The following AACS variants were observed in gnomAD, a reference collection of about 807,000 sequenced individuals.
The protein encoded by AACS is acetoacetyl-CoA synthetase, also known as acetoacetate-CoA ligase.
AACS carries 69 observed loss-of-function variants against 83.1 expected under a neutral mutation model. The observed-to-expected ratio is 0.83, with a 90% CI of 0.68 to 1.01. The LOEUF (loss-of-function observed/expected upper bound fraction) is 1.01. AACS is among the 50% of genes least tolerant of loss of function. The pLI, the probability that AACS is intolerant of heterozygous loss-of-function variation, is 0.00. For missense variants in AACS, 866 were observed against 882.2 expected (o/e 0.98, Z 0.23); for synonymous variants, 333 against 343.4 (o/e 0.97, Z 0.33).
chr12:125,074,932 G>A lies in AACS; in HGVS notation c.237+953G>A, dbSNP rs1033856408. Among the ~76,000 whole-genome samples the A allele has an allele frequency of 4.6e-5, 7 of 151,464 alleles. No individual in the cohort carries two copies. The East Asian group carries it at 1.2e-3, about 25-fold the overall frequency. ...ACCCGCCTCAGCCTCTCAAAGTGCT[G>A]GGATTACAGGCATTAGCCACCATGC... On this transcript the variant is annotated intron_variant, in intron 2 of 17. Coordinates refer to ENST00000316519, the MANE Select transcript of AACS (RefSeq NM_023928.5).
chr12:125,101,576 T>C (rs965756160), intron 5 of AACS: 3 of 152,208 alleles, frequency 2.0e-5, no homozygotes, highest in African/African-American at 7.2e-5. Context: ...TCTTCTTTTG[T>C]ATACACTAGC....
At chr12:125,074,056 C>T in intron 2 of AACS, 77 bp downstream of exon 2, 1 of 1,216,234 alleles carries the variant, frequency 8.2e-7, no homozygotes, top group Non-Finnish European at 1.2e-6. Flanking sequence ...TTGGGGAATA[C>T]TGAATTGTAT....
intron 1 of AACS, among the ~76,000 whole-genome samples, chr12:125,073,543 A>G (rs1340801149): frequency 1.3e-5 from 2 of 152,168 alleles, no homozygotes; most frequent in Non-Finnish European, 2.9e-5. Flanking sequence ...CCCATTTTGC[A>G]CTTGCCTGAG....
intron 7 of AACS, among the ~76,000 whole-genome samples, chr12:125,103,510 T>C (rs1003379730): frequency 1.3e-5 from 2 of 152,044 alleles, no homozygotes; most frequent in Non-Finnish European, 2.9e-5. Context: ...CGTGCATACG[T>C]GCACAGGTGC....
At chr12:125,112,119 A>T (rs890669960) in intron 8 of AACS, among the ~76,000 whole-genome samples, 4 of 152,198 alleles carry the variant, frequency 2.6e-5, no homozygotes, top group African/African-American at 9.7e-5. Context: ...GGATTCGTGG[A>T]AAGATTTAGT....
chr12:125,069,058 G>C (rs1279840645), intron 1 of AACS, among the ~76,000 whole-genome samples: 2 of 152,064 alleles, frequency 1.3e-5, no homozygotes, highest in Non-Finnish European at 2.9e-5. Flanking sequence ...GGCCAGGCTG[G>C]TCTCGAACTC....
chr12:125,077,886 T>C (rs1201864779), intron 3 of AACS, among the ~76,000 whole-genome samples: 1 of 152,064 alleles, frequency 6.6e-6, no homozygotes, highest in African/African-American at 2.4e-5. Context: ...TTTTTGTAGT[T>C]TTAGTAGAGA....
chr12:125,114,514 A>C lies in AACS; in HGVS notation c.953A>C (p.His318Pro). Reference sequence around the variant, plus strand: ...CAGCATCTGAAGGAGCACCTGCTGCACGGCAACATGACCAGCAGTGACATC... The same window carrying C: ...CAGCATCTGAAGGAGCACCTGCTGCCCGGCAACATGACCAGCAGTGACATC... Reference protein sequence around the residue: ...LIQHLKEHLLHGNMTSSDILL... With the variant: ...LIQHLKEHLLPGNMTSSDILL... Residue 318 changes from histidine (H) to proline (P), a missense_variant, in exon 9 of 18, where the codon CAC becomes CCC. Transcript: ENST00000316519. The C allele has an allele frequency of 1.9e-6, 3 of 1,613,504 alleles. No homozygotes were observed. The highest frequency in any genetic ancestry group is 1.7e-4 in the Middle Eastern group (1 of 6,060).
chr12:125,084,893 AT>A (rs1290105678), intron 3 of AACS, among the ~76,000 whole-genome samples: 1 of 151,914 alleles, frequency 6.6e-6, no homozygotes, highest in African/African-American at 2.4e-5. Context: ...TAGTTTTAAC[AT>A]TTTTTGTAGA....
chr12:125,070,414 G>C (rs1004263178), intron 1 of AACS, among the ~76,000 whole-genome samples: 6 of 152,188 alleles, frequency 3.9e-5, no homozygotes, highest in Admixed American at 3.9e-4. Flanking sequence ...CAAGAGGATT[G>C]CTTGAGTCCA....
intron 17 of AACS, chr12:125,141,403 T>C (rs1356262083): frequency 6.6e-6 from 1 of 152,384 alleles, no homozygotes; most frequent in Non-Finnish European, 1.5e-5. Context: ...ATGAACATGC[T>C]CGGCTGGGCG....
intron 3 of AACS, among the ~76,000 whole-genome samples, chr12:125,083,826 A>C (rs1229273305): frequency 2.0e-5 from 3 of 151,258 alleles, no homozygotes; most frequent in Non-Finnish European, 4.4e-5. Flanking sequence ...GCTAAGTTTT[A>C]TATTTTTAGT....
At chr12:125,085,451 C>A (rs1219875812) in intron 3 of AACS, among the ~76,000 whole-genome samples, 1 of 152,188 alleles carries the variant, frequency 6.6e-6, no homozygotes, top group African/African-American at 2.4e-5. Flanking sequence ...CACGCACGTG[C>A]ACGTTGCATC....
chr12:125,081,721 T>A (rs757186012), intron 3 of AACS, among the ~76,000 whole-genome samples: 7 of 152,220 alleles, frequency 4.6e-5, no homozygotes, highest in Non-Finnish European at 1.0e-4. Flanking sequence ...CATTTTGCTT[T>A]TGAAGAGTAG....
intron 1 of AACS, among the ~76,000 whole-genome samples, chr12:125,067,069 C>T (rs1039688686): frequency 2.6e-5 from 4 of 152,166 alleles, no homozygotes; most frequent in Non-Finnish European, 4.4e-5. Context: ...CTTACTTTGT[C>T]ACTCCTTGGC....
At chr12:125,079,265 A>G (rs1956106513) in intron 3 of AACS, among the ~76,000 whole-genome samples, 2 of 152,088 alleles carry the variant, frequency 1.3e-5, no homozygotes, top group Non-Finnish European at 2.9e-5. Flanking sequence ...GGCCATCCTC[A>G]GGGTTCTGAG....
chr12:125,103,081 G>T lies in AACS; in HGVS notation c.767G>T (p.Ser256Ile). Residue 256 changes from serine to isoleucine, a missense_variant and splice_region_variant, in exon 7 of 18, where the codon AGT becomes ATT. Coordinates refer to ENST00000316519, the MANE Select transcript of AACS (RefSeq NM_023928.5). ...ENIDLSKIPN[S>I]VFLDDFLATG... ...ATAGACCTTTCAAAGATTCCAAACA[G>T]GTAATGTACCGCATTCTGACCCACA... 4 of 1,613,498 alleles carry T rather than the reference G, an allele frequency of 2.5e-6. No individual in the cohort carries two copies. The highest frequency in any genetic ancestry group is 3.4e-6 in the Non-Finnish European group (4 of 1,179,788).
intron 15 of AACS, 33 bp from the exon 16 acceptor site, chr12:125,134,761 G>A (rs1453783864): frequency 6.2e-7 from 1 of 1,613,732 alleles, no homozygotes; most frequent in East Asian, 2.2e-5. Context: ...CTCCAGAGCT[G>A]CGGTGTGGCC....
At chr12:125,079,500 G>A (rs1297613302) in intron 3 of AACS, among the ~76,000 whole-genome samples, 1 of 152,118 alleles carries the variant, frequency 6.6e-6, no homozygotes, top group Non-Finnish European at 1.5e-5. Context: ...TCCCACCTTA[G>A]CCTCCTGAGT....
Sources: allele counts gnomAD v4.1 joint callset (sites outside exome capture counted in the v4.1 genomes callset), GRCh38; gene constraint gnomAD v4.1.1; transcripts MANE v1.5; gene names NCBI Gene and HGNC (gene_info 2026-07-23, HGNC 2026-07-21).